Variants in DSCAML1 observed in about 807,000 individuals in gnomAD.
DSCAML1 encodes cell adhesion molecule DSCAML1.
In DSCAML1, 38 loss-of-function variants were observed where a neutral mutation model predicts 200.5. The observed-to-expected ratio is 0.19, with a 90% CI of 0.15 to 0.25. The LOEUF (loss-of-function observed/expected upper bound fraction) is 0.25. Among genes scored for constraint, DSCAML1 ranks in the 10% least tolerant of loss-of-function variants. The probability of loss-of-function intolerance (pLI) is 1.00; values close to 1 mark genes in which losing one functional copy is unlikely to be tolerated. For missense variants in DSCAML1, 2,223 were observed against 2,858.8 expected, an observed-to-expected ratio of 0.78 and a Z score of 5.07; for synonymous variants, 1,215 against 1,165.0, an observed-to-expected ratio of 1.04 and a Z score of -0.87.
At position 117,503,753 on chromosome 11, in the gene DSCAML1, G is replaced by A. The variant is rs770438979; in HGVS notation, c.2359+92C>T. The A allele has an allele frequency of 1.6e-5, 23 of 1,403,058 alleles. No individual in the cohort carries two copies. Among genetic ancestry groups the A allele is most frequent in the Middle Eastern group, 1.8e-4 (1 of 5,496 alleles). 86.9% of individuals were successfully genotyped at this position (1,403,058 alleles called of 1,614,324 possible). ...CCTGCCTCCCCTTCATAGATGAAAC[G>A]ACGGAGACTAAGAGAGTAGGCAGGG... On this transcript the variant is annotated intron_variant, in intron 11 of 32. Coordinates refer to ENST00000651296, the MANE Select transcript of DSCAML1 (RefSeq NM_020693.4). This position sits in a 1 kb window ranked among gnomAD's most constrained non-coding sequence, Gnocchi z 5.2.
At chr11:117,484,039 C>T (rs2048986512) in intron 11 of DSCAML1, among the ~76,000 whole-genome samples, 1 of 142,522 alleles carries the variant, frequency 7.0e-6, no homozygotes, top group African/African-American at 2.5e-5. Context: ...CCGCCCCTGC[C>T]CCCCGCCCCT....
At chr11:117,596,374 C>G (rs1450433746) in intron 3 of DSCAML1, among the ~76,000 whole-genome samples, 1 of 140,274 alleles carries the variant, frequency 7.1e-6, no homozygotes, top group Non-Finnish European at 1.5e-5. Context: ...CCAGAACATG[C>G]CATTCTTCTC....
chr11:117,783,893 C>G lies in DSCAML1; in HGVS notation c.47-3083G>C, dbSNP rs538413624. Among the ~76,000 whole-genome samples the G allele has an allele frequency of 1.9e-3, 288 of 152,322 alleles. 1 individual carries two copies. The highest frequency in any genetic ancestry group is 6.6e-3 in the African/African-American group (273 of 41,560). On this transcript the variant is annotated intron_variant, in intron 1 of 32. Transcript: ENST00000651296. ...CTCCTGGATGGAAATCCATTCCACT[C>G]TCCCTGCCTCCTGAGATGGCCACTT...
chr11:117,608,988 G>C (rs1237774169), intron 3 of DSCAML1, among the ~76,000 whole-genome samples: 1 of 150,254 alleles, frequency 6.7e-6, no homozygotes, highest in Non-Finnish European at 1.5e-5. Flanking sequence ...CCAACATGGT[G>C]AAACCCCATT....
chr11:117,581,191 G>T (rs1303322892), intron 3 of DSCAML1, among the ~76,000 whole-genome samples: 1 of 152,118 alleles, frequency 6.6e-6, no homozygotes, highest in East Asian at 1.9e-4. Flanking sequence ...TCTCCCCACG[G>T]TAATGATAAT....
intron 3 of DSCAML1, among the ~76,000 whole-genome samples, chr11:117,581,604 T>C (rs1401394368): frequency 6.6e-6 from 1 of 152,238 alleles, no homozygotes; most frequent in East Asian, 1.9e-4. Flanking sequence ...ATCTGAACAT[T>C]AAGCATTGTG....
In DSCAML1 at chr11:117,503,728, C is replaced by T. The variant is rs1156973424; in HGVS notation, c.2359+117G>A. On this transcript the variant is annotated intron_variant, in intron 11 of 32. Transcript: ENST00000651296. The surrounding 1 kb of genome is among the most constrained non-coding windows in gnomAD (Gnocchi z 5.2). ...AGGCCACCTCTCACTAGGAAGCCTT[C>T]CTGCCTCCCCTTCATAGATGAAACG... 2.4e-6 allele frequency: 3 copies of T among 1,231,870 alleles called. No individual in the cohort carries two copies. Among genetic ancestry groups the T allele is most frequent in the African/African-American group, 3.0e-5 (2 of 65,934 alleles). 76.3% of individuals were successfully genotyped at this position (1,231,870 alleles called of 1,614,324 possible). A position where few individuals can be genotyped will look rare whatever the true frequency, so the allele number is the denominator to read the frequency against.
chr11:117,660,667 G>A (rs985374533), intron 3 of DSCAML1, among the ~76,000 whole-genome samples: 8 of 152,304 alleles, frequency 5.3e-5, no homozygotes, highest in East Asian at 3.9e-4. Context: ...CCTGGGAGCC[G>A]GGACCCAGCT....
intron 14 of DSCAML1, among the ~76,000 whole-genome samples, chr11:117,476,246 CTT>C (rs1284907806): frequency 6.6e-6 from 1 of 152,136 alleles, no homozygotes; most frequent in African/African-American, 2.4e-5. Flanking sequence ...GACTGGGAAT[CTT>C]TGGTTTTTCA....
chr11:117,620,457 CA>C (rs1445691121), intron 3 of DSCAML1, among the ~76,000 whole-genome samples: 1 of 152,170 alleles, frequency 6.6e-6, no homozygotes, highest in African/African-American at 2.4e-5. Context: ...CACCTACAGC[CA>C]ACCAACTGCT....
intron 3 of DSCAML1, among the ~76,000 whole-genome samples, chr11:117,653,016 A>C (rs1294001143): frequency 6.6e-6 from 1 of 152,138 alleles, no homozygotes; most frequent in African/African-American, 2.4e-5. Context: ...TAACTTTGGG[A>C]GATGAACTAC....
intron 1 of DSCAML1, among the ~76,000 whole-genome samples, chr11:117,795,212 T>C (rs1457561284): frequency 6.6e-6 from 1 of 151,484 alleles, no homozygotes; most frequent in Admixed American, 6.6e-5. Context: ...CTCCAGAGAG[T>C]GTTGTGGAGG....
chr11:117,800,851 G>A (rs2055650603), upstream of DSCAML1: 1 of 152,150 alleles, frequency 6.6e-6, no homozygotes, highest in South Asian at 2.1e-4. Flanking sequence ...CTGAGAAACA[G>A]CAGATGTTTT....
chr11:117,584,598 C>T lies in DSCAML1; in HGVS notation c.512-52076G>A, dbSNP rs534722218. The stretch of plus-strand genomic sequence containing the variant: ...AAGTTCTCAGCGCCTGGGTAGCTGC[C>T]GGCAGCTTTGCTAATTGTTCTGTGT... On this transcript the variant is annotated intron_variant, in intron 3 of 32. Coordinates refer to ENST00000651296, the MANE Select transcript of DSCAML1 (RefSeq NM_020693.4). 1.6e-4 allele frequency among the ~76,000 whole-genome samples: 24 copies of T among 152,268 alleles called. No individual in the cohort carries two copies. In the South Asian group the frequency reaches 2.9e-3, roughly 18 times the overall value.
At chr11:117,779,437 T>C (rs1163650081) in intron 2 of DSCAML1, among the ~76,000 whole-genome samples, 5 of 152,078 alleles carry the variant, frequency 3.3e-5, no homozygotes, top group Non-Finnish European at 7.4e-5. Flanking sequence ...CTCCACCTAC[T>C]CTTCCAAAGA....
intron 3 of DSCAML1, among the ~76,000 whole-genome samples, chr11:117,690,417 G>A (rs1183876109): frequency 1.3e-5 from 2 of 152,220 alleles, no homozygotes; most frequent in Non-Finnish European, 1.5e-5. Context: ...AGGGATGGAG[G>A]CACCCACGGG....
At chr11:117,714,994 C>A (rs942056877) in intron 3 of DSCAML1, among the ~76,000 whole-genome samples, 2 of 151,912 alleles carry the variant, frequency 1.3e-5, no homozygotes, top group Non-Finnish European at 2.9e-5. Flanking sequence ...CCATCAGACC[C>A]AAACCAACCA....
At chr11:117,619,620 T>A (rs2051885745) in intron 3 of DSCAML1, among the ~76,000 whole-genome samples, 1 of 152,250 alleles carries the variant, frequency 6.6e-6, no homozygotes, top group African/African-American at 2.4e-5. Context: ...ATAACATATT[T>A]TGATTCCAAA....
intron 3 of DSCAML1, among the ~76,000 whole-genome samples, chr11:117,742,682 T>C (rs772564169): frequency 2.0e-5 from 3 of 152,170 alleles, no homozygotes; most frequent in South Asian, 2.1e-4. Context: ...TTCCAGGTAA[T>C]TGGTTTATCA....
Sources: allele counts gnomAD v4.1 joint callset (sites outside exome capture counted in the v4.1 genomes callset), GRCh38; gene constraint gnomAD v4.1.1; non-coding constraint Gnocchi (gnomAD v3.1); transcripts MANE v1.5; gene names NCBI Gene and HGNC (gene_info 2026-07-23, HGNC 2026-07-21).